NREP: variants seen among roughly 807,000 people sequenced by gnomAD.
NREP encodes the protein neuronal regeneration-related protein.
NREP carries 5 observed loss-of-function variants against 8.6 expected under a neutral mutation model. That is an observed-to-expected ratio of 0.58 (90% CI 0.30 to 1.22). The LOEUF (loss-of-function observed/expected upper bound fraction) is 1.22, where lower values mean the gene tolerates loss of function less well. NREP is among the 50% of genes most tolerant of loss of function. The probability of loss-of-function intolerance (pLI) is 0.07; values close to 1 mark genes in which losing one functional copy is unlikely to be tolerated. For synonymous variants in NREP, 27 were observed against 28.0 expected, an observed-to-expected ratio of 0.96 and a Z score of 0.11; for missense variants, 86 against 82.5, an observed-to-expected ratio of 1.04 and a Z score of -0.17.
At chr5:111,741,820 C>CAT (rs1749688144) in intron 2 of NREP, among the ~76,000 whole-genome samples, 2 of 32,556 alleles carry the variant, frequency 6.1e-5, no homozygotes, top group Admixed American at 3.7e-4. Context: ...TTTAAACACA[C>CAT]ACATACACAC....
intron 2 of NREP, among the ~76,000 whole-genome samples, chr5:111,775,461 C>G (rs1380028909): frequency 2.6e-5 from 4 of 152,124 alleles, no homozygotes; most frequent in Non-Finnish European, 5.9e-5. Context: ...AGAATGCAAA[C>G]TGCCTTTTGC....
chr5:111,786,379 G>C (rs1751611994), intron 2 of NREP, among the ~76,000 whole-genome samples: 1 of 152,138 alleles, frequency 6.6e-6, no homozygotes, highest in African/African-American at 2.4e-5. Flanking sequence ...CTTTATAGCA[G>C]CGTGAGAACA....
Position 111,841,442 on chromosome 5 carries a change from A to G in NREP, c.136-105935T>C, listed in dbSNP as rs183246348. ...TGAAGTATTGTTAAGTTATACCTTT[A>G]GAAAGCTGGTCTCTATAGCAGTAGC... On this transcript the variant is annotated intron_variant, in intron 2 of 3. Transcript: ENST00000395634. Among the ~76,000 whole-genome samples, 7 of 152,310 alleles carry G rather than the reference A, an allele frequency of 4.6e-5. No homozygotes were observed. In the East Asian group the frequency reaches 1.3e-3, roughly 29 times the overall value.
At chr5:111,794,371 A>C (rs909049468) in intron 2 of NREP, among the ~76,000 whole-genome samples, 2 of 152,238 alleles carry the variant, frequency 1.3e-5, no homozygotes, top group African/African-American at 4.8e-5. Flanking sequence ...CTGCACAAGG[A>C]TGTTCATATT....
rs142818549 is a variant in NREP at position 111,899,729 on chromosome 5, A to G, written c.135+75545T>C. Reference sequence around the variant, plus strand: ...TAACTCTAAAGACACACATGGACTGAAAGTTTTAAAATGGGAAAAACATAT... The same window carrying G: ...TAACTCTAAAGACACACATGGACTGGAAGTTTTAAAATGGGAAAAACATAT... On this transcript the variant is annotated intron_variant, in intron 2 of 3. Coordinates refer to the NREP transcript ENST00000395634. Among the ~76,000 whole-genome samples, 13 of 152,324 alleles carry G rather than the reference A, an allele frequency of 8.5e-5. No individual in the cohort carries two copies. The East Asian group carries it at 2.5e-3, about 29-fold the overall frequency.
At chr5:111,773,645 CTA>C (rs1442495293) in intron 2 of NREP, among the ~76,000 whole-genome samples, 2 of 152,140 alleles carry the variant, frequency 1.3e-5, no homozygotes, top group African/African-American at 4.8e-5. Flanking sequence ...AAAAATGTCT[CTA>C]TATTATCTAC....
At chr5:111,824,880 G>A (rs1752587158) in intron 2 of NREP, among the ~76,000 whole-genome samples, 1 of 152,162 alleles carries the variant, frequency 6.6e-6, no homozygotes, top group Non-Finnish European at 1.5e-5. Flanking sequence ...ATTATGTGAA[G>A]CAAAACAGGA....
At chr5:111,948,421 T>G (rs1004885329) in intron 2 of NREP, among the ~76,000 whole-genome samples, 3 of 152,158 alleles carry the variant, frequency 2.0e-5, no homozygotes, top group Non-Finnish European at 4.4e-5. Flanking sequence ...AACTCAACTC[T>G]GGCCTATGCC....
At chr5:111,801,208 T>C (rs1022701760) in intron 2 of NREP, among the ~76,000 whole-genome samples, 3 of 152,192 alleles carry the variant, frequency 2.0e-5, no homozygotes, top group Admixed American at 1.3e-4. Flanking sequence ...ATGTTTACAG[T>C]AAATGCTAGT....
intron 2 of NREP, among the ~76,000 whole-genome samples, chr5:111,803,013 G>A (rs1397996813): frequency 2.6e-5 from 4 of 152,188 alleles, no homozygotes; most frequent in Admixed American, 2.6e-4. Context: ...AAAAAACTGG[G>A]AGAATGGTGT....
chr5:111,804,157 T>C (rs1012885504), intron 2 of NREP, among the ~76,000 whole-genome samples: 1 of 152,084 alleles, frequency 6.6e-6, no homozygotes, highest in African/African-American at 2.4e-5. Context: ...GCCTTCAGAA[T>C]TAAAATAGTG....
intron 2 of NREP, among the ~76,000 whole-genome samples, chr5:111,935,820 G>A (rs1051810969): frequency 6.6e-6 from 1 of 152,024 alleles, no homozygotes; most frequent in Admixed American, 6.6e-5. Context: ...TTGATAGGAG[G>A]CTGTACTAGT....
chr5:111,960,096 T>C (rs1756439223), intron 2 of NREP, among the ~76,000 whole-genome samples: 1 of 152,160 alleles, frequency 6.6e-6, no homozygotes, highest in African/African-American at 2.4e-5. Context: ...TCTGAGATTG[T>C]CCTCACAACT....
At chr5:111,782,638 G>GT (rs1373384601) in intron 2 of NREP, among the ~76,000 whole-genome samples, 1 of 151,958 alleles carries the variant, frequency 6.6e-6, no homozygotes, top group African/African-American at 2.4e-5. Context: ...ATTTTGATGA[G>GT]TAAAACAGAG....
chr5:111,787,389 T>C (rs1388992556), intron 2 of NREP, among the ~76,000 whole-genome samples: 2 of 152,254 alleles, frequency 1.3e-5, no homozygotes, highest in South Asian at 2.1e-4. Context: ...ACCATCTTAT[T>C]GTTCTTTTGC....
intron 2 of NREP, among the ~76,000 whole-genome samples, chr5:111,805,858 C>T (rs774788239): frequency 3.2e-4 from 48 of 151,840 alleles, no homozygotes; most frequent in Non-Finnish European, 6.5e-4. Context: ...TCGACTGTAC[C>T]GCATGGCAAT....
At chr5:111,914,506 A>C (rs1480735879) in intron 2 of NREP, among the ~76,000 whole-genome samples, 1 of 152,050 alleles carries the variant, frequency 6.6e-6, no homozygotes, top group African/African-American at 2.4e-5. Context: ...GGAAAGTTCT[A>C]AGTTGCTAGC....
At chr5:111,856,485 A>G (rs1244401176) in intron 2 of NREP, among the ~76,000 whole-genome samples, 1 of 152,166 alleles carries the variant, frequency 6.6e-6, no homozygotes, top group Non-Finnish European at 1.5e-5. Context: ...GGTGTTCTGT[A>G]TAAAGTACTG....
chr5:111,756,595 AAC>A (rs1172885896), intron 1 of NREP, among the ~76,000 whole-genome samples: 4 of 152,202 alleles, frequency 2.6e-5, no homozygotes, highest in African/African-American at 9.7e-5. Context: ...CCAAGAAAAA[AAC>A]AGTCATTTAT....
Sources: gnomAD v4.1 joint callset for allele counts (sites outside exome capture counted in the v4.1 genomes callset) on GRCh38, gnomAD v4.1.1 for gene constraint, MANE v1.5 for transcripts, NCBI Gene and HGNC (gene_info 2026-07-23, HGNC 2026-07-21) for gene names.